Variants in GALNTL5 observed in about 807,000 individuals in gnomAD.
The protein encoded by GALNTL5 is polypeptide N-acetylgalactosaminyltransferase like 5, also known as inactive polypeptide N-acetylgalactosaminyltransferase-like protein 5.
Under a neutral mutation model 51.0 loss-of-function variants are expected in GALNTL5, and 44 were observed. The observed-to-expected ratio is 0.86, with a 90% CI of 0.68 to 1.11. The LOEUF (loss-of-function observed/expected upper bound fraction) is 1.11, where lower values mean the gene tolerates loss of function less well. Ranked by LOEUF, GALNTL5 falls within the 50% of genes least tolerant of loss-of-function variation. The probability of loss-of-function intolerance (pLI) is 0.00; values close to 1 mark genes in which losing one functional copy is unlikely to be tolerated. For synonymous variants in GALNTL5, 192 were observed against 182.8 expected (o/e 1.05, Z -0.41); for missense variants, 528 against 531.8 (o/e 0.99, Z 0.07).
chr7:151,995,406 T>A (rs1563017782), intron 5 of GALNTL5: 2 of 122,046 alleles, frequency 1.6e-5, no homozygotes, highest in African/African-American at 3.3e-5. Flanking sequence ...GGAGCGGAAG[T>A]GTCATGATTT....
intron 1 of GALNTL5, among the ~76,000 whole-genome samples, chr7:151,966,461 A>T (rs549563763): frequency 6.6e-6 from 1 of 151,812 alleles, no homozygotes; most frequent in African/African-American, 2.4e-5. Flanking sequence ...TAGAGACAGG[A>T]TTTCACCATA....
At chr7:151,969,830 G>A (rs2081107141) in intron 2 of GALNTL5, among the ~76,000 whole-genome samples, 1 of 152,144 alleles carries the variant, frequency 6.6e-6, no homozygotes. Context: ...CTTTTGAGAT[G>A]GAGTCTCGCT....
intron 5 of GALNTL5, among the ~76,000 whole-genome samples, chr7:151,987,866 A>G (rs1432574381): frequency 6.6e-6 from 1 of 152,192 alleles, no homozygotes; most frequent in East Asian, 1.9e-4. Flanking sequence ...CCCATTGCAA[A>G]GGCTGCCCGT....
chr7:151,993,792 T>C (rs2081458095), intron 5 of GALNTL5, among the ~76,000 whole-genome samples: 1 of 152,078 alleles, frequency 6.6e-6, no homozygotes, highest in Non-Finnish European at 1.5e-5. Context: ...CCTATTTTTT[T>C]AATTTTTGGT....
intron 4 of GALNTL5, among the ~76,000 whole-genome samples, chr7:151,985,196 G>T (rs1191954062): frequency 6.6e-6 from 1 of 152,140 alleles, no homozygotes; most frequent in Non-Finnish European, 1.5e-5. Flanking sequence ...ATACTGAGGG[G>T]TACTTTGAAT....
intron 3 of GALNTL5, among the ~76,000 whole-genome samples, chr7:151,982,639 A>T (rs2081307622): frequency 6.6e-6 from 1 of 152,048 alleles, no homozygotes; most frequent in Non-Finnish European, 1.5e-5. Flanking sequence ...GACAGCAAAA[A>T]AAAAAAAAGA....
chr7:152,006,157 A>G (rs1177471601), intron 6 of GALNTL5, among the ~76,000 whole-genome samples: 1 of 152,220 alleles, frequency 6.6e-6, no homozygotes, highest in African/African-American at 2.4e-5. Flanking sequence ...TGTGTGTCCA[A>G]GAGAAGGGTG....
chr7:152,009,370 A>G (rs1264300724), intron 7 of GALNTL5, among the ~76,000 whole-genome samples: 2 of 152,204 alleles, frequency 1.3e-5, no homozygotes, highest in South Asian at 2.1e-4. Context: ...TCTTCCATCT[A>G]TCTGAGGTCA....
rs1030869668 is a variant in GALNTL5 at position 151,987,403 on chromosome 7, C to A, written c.658+122C>A. 6.0e-6 allele frequency: 5 copies of A among 830,548 alleles called. No homozygotes were observed. The African/African-American group carries it at 7.1e-5, about 12-fold the overall frequency. The allele number at this position is 830,548 out of a possible 1,614,324, so 51.4% of individuals were successfully genotyped here. On this transcript the variant is annotated intron_variant, in intron 5 of 8. Coordinates refer to ENST00000392800, the MANE Select transcript of GALNTL5 (RefSeq NM_145292.4). ...TCTGCTTCATCAGAAGAGTGGAAAT[C>A]TATTCCAGCCATATGAGCCTTTAAT...
chr7:152,019,259 C>T lies in GALNTL5; in HGVS notation c.1177-387C>T, dbSNP rs75637101. On this transcript the variant is annotated intron_variant, in intron 8 of 8. Transcript: ENST00000392800. ...TCCTGCAGGATCTATTCTCCCTTTA[C>T]TACATCATCCCCCATTTCTGAAAAG... Among the ~76,000 whole-genome samples the T allele has an allele frequency of 3.4e-4, 52 of 152,332 alleles. No homozygotes were observed. The East Asian group carries it at 9.1e-3, about 27-fold the overall frequency.
chr7:151,956,911 T>C (rs534833633), intron 1 of GALNTL5, among the ~76,000 whole-genome samples: 96 of 152,216 alleles, frequency 6.3e-4, no homozygotes, highest in African/African-American at 2.3e-3. Context: ...ATTACTTATT[T>C]GAAAAAAATA....
At chr7:152,007,400 A>T (rs1378317944) in intron 6 of GALNTL5, among the ~76,000 whole-genome samples, 1 of 146,896 alleles carries the variant, frequency 6.8e-6, no homozygotes, top group Non-Finnish European at 1.5e-5. Context: ...TAATTTTAGT[A>T]TTAATGTTTT....
At chr7:151,979,062 C>T (rs1399621066) in intron 3 of GALNTL5, among the ~76,000 whole-genome samples, 2 of 150,318 alleles carry the variant, frequency 1.3e-5, no homozygotes, top group Non-Finnish European at 2.9e-5. Flanking sequence ...TTTATATGAT[C>T]AGCTAATTGA....
At chr7:152,018,215 C>G (rs774533376) in intron 8 of GALNTL5, among the ~76,000 whole-genome samples, 3 of 152,196 alleles carry the variant, frequency 2.0e-5, no homozygotes, top group Non-Finnish European at 4.4e-5. Context: ...AAATTCAAGA[C>G]ATGAACTTGC....
At chr7:151,990,564 G>A (rs2081414966) in intron 5 of GALNTL5, among the ~76,000 whole-genome samples, 1 of 5,140 alleles carries the variant, frequency 1.9e-4, no homozygotes, top group African/African-American at 4.9e-4. Context: ...CTGGGCGACA[G>A]AGCGAGACTC....
At chr7:151,978,675 T>G (rs963097545) in intron 3 of GALNTL5, among the ~76,000 whole-genome samples, 3 of 152,170 alleles carry the variant, frequency 2.0e-5, no homozygotes, top group Admixed American at 2.0e-4. Flanking sequence ...GAAATCAAGT[T>G]GTTGGCAGGA....
chr7:152,013,137 C>A (rs920707739), intron 7 of GALNTL5, among the ~76,000 whole-genome samples: 4 of 152,024 alleles, frequency 2.6e-5, no homozygotes, highest in African/African-American at 9.7e-5. Context: ...CAAGTGAGAG[C>A]TAAACATTGT....
intron 3 of GALNTL5, among the ~76,000 whole-genome samples, chr7:151,981,359 T>C (rs2081283599): frequency 6.6e-6 from 1 of 152,184 alleles, no homozygotes; most frequent in African/African-American, 2.4e-5. Context: ...CATTGCATCT[T>C]CACAGCCCTT....
intron 3 of GALNTL5, among the ~76,000 whole-genome samples, chr7:151,982,483 C>T (rs1054813870): frequency 6.6e-6 from 1 of 152,036 alleles, no homozygotes; most frequent in African/African-American, 2.4e-5. Context: ...TCCAATTAGA[C>T]CATATCTGCT....
Sources: gnomAD v4.1 joint callset for allele counts (sites outside exome capture counted in the v4.1 genomes callset) on GRCh38, gnomAD v4.1.1 for gene constraint, MANE v1.5 for transcripts, NCBI Gene and HGNC (gene_info 2026-07-23, HGNC 2026-07-21) for gene names.